The following NCKAP5 variants were observed in gnomAD, a reference collection of about 807,000 sequenced individuals.
NCKAP5 encodes the protein nck-associated protein 5.
Under a neutral mutation model 167.0 loss-of-function variants are expected in NCKAP5, and 92 were observed. The ratio of observed to expected loss-of-function variants is 0.55; its 90% CI spans 0.47 to 0.66. The LOEUF (loss-of-function observed/expected upper bound fraction) is 0.66, where lower values mean the gene tolerates loss of function less well. NCKAP5 is among the 30% of genes least tolerant of loss of function. The pLI, the probability that NCKAP5 is intolerant of heterozygous loss-of-function variation, is 0.00. For synonymous variants in NCKAP5, 891 were observed against 877.4 expected (o/e 1.02, Z -0.27); for missense variants, 2,378 against 2,315.0 (o/e 1.03, Z -0.56).
intron 6 of NCKAP5, among the ~76,000 whole-genome samples, chr2:133,069,729 C>T (rs1181008635): frequency 1.3e-5 from 2 of 151,882 alleles, no homozygotes; most frequent in Non-Finnish European, 2.9e-5. Flanking sequence ...TGTTTGAACA[C>T]GACTGCATTA....
At chr2:132,876,602 A>G (rs1244782630) in intron 9 of NCKAP5, among the ~76,000 whole-genome samples, 2 of 152,174 alleles carry the variant, frequency 1.3e-5, no homozygotes, top group Non-Finnish European at 1.5e-5. Context: ...TGGATTATCT[A>G]CCCTCATGTA....
At chr2:133,019,190 C>A (rs1335529567) in intron 6 of NCKAP5, among the ~76,000 whole-genome samples, 1 of 152,214 alleles carries the variant, frequency 6.6e-6, no homozygotes, top group Non-Finnish European at 1.5e-5. Flanking sequence ...GTGGCAATTA[C>A]AGAAAACTAC....
In NCKAP5 at chr2:132,762,233, T is replaced by G. The variant is rs371601600; in HGVS notation, c.5128+11583A>C. ...GGCCAGTGCCCAGCATATAGAGAGC[T>G]CTTAATAAGGAGTAGATAGTAATGT... On this transcript the variant is annotated intron_variant, in intron 16 of 19. Coordinates refer to ENST00000409261, the MANE Select transcript of NCKAP5 (RefSeq NM_207363.3). 1.9e-4 allele frequency among the ~76,000 whole-genome samples: 29 copies of G among 149,752 alleles called. No individual in the cohort carries two copies. In the East Asian group the frequency reaches 3.1e-3, roughly 16 times the overall value.
intron 16 of NCKAP5, among the ~76,000 whole-genome samples, chr2:132,748,767 C>G (rs1679861410): frequency 6.6e-6 from 1 of 151,794 alleles, no homozygotes; most frequent in Non-Finnish European, 1.5e-5. Flanking sequence ...TCTAGTGAAC[C>G]ATTTAAAACC....
Position 132,785,356 on chromosome 2 carries a change from T to C in NCKAP5, c.1455A>G (p.Leu485=), listed in dbSNP as rs897548228. Residue 485 remains leucine (L), a synonymous_variant, in exon 14 of 20, where the codon TTA becomes TTG. Coordinates refer to ENST00000409261, the MANE Select transcript of NCKAP5 (RefSeq NM_207363.3). ...GGTTTGGAACTGCTTGGAGCAATGCTAAGGTGGAAGGGTCATCGTCCGCAT... is the reference window on the plus strand; with the variant it reads ...GGTTTGGAACTGCTTGGAGCAATGCCAAGGTGGAAGGGTCATCGTCCGCAT... The part of the protein sequence containing the change: ...HVDADDDPST[L]ALLQAVPNQS... 1 of 1,613,964 alleles carries C rather than the reference T, an allele frequency of 6.2e-7. No individual in the cohort carries two copies. The highest frequency in any genetic ancestry group is 1.1e-5 in the South Asian group (1 of 91,074).
chr2:133,578,519 T>C, the NCKAP5 span, among the ~76,000 whole-genome samples: 1 of 152,160 alleles, frequency 6.6e-6, no homozygotes, highest in Non-Finnish European at 1.5e-5. Flanking sequence ...CCAAGTGGCC[T>C]ACAACCAGTT....
chr2:132,872,505 G>C (rs1478210981), intron 9 of NCKAP5, among the ~76,000 whole-genome samples: 1 of 152,168 alleles, frequency 6.6e-6, no homozygotes, highest in Non-Finnish European at 1.5e-5. Flanking sequence ...CCTTGAAGCT[G>C]AATAAGAAGC....
At chr2:132,704,071 C>T (rs757203703) in intron 19 of NCKAP5, among the ~76,000 whole-genome samples, 1 of 152,150 alleles carries the variant, frequency 6.6e-6, no homozygotes, top group Non-Finnish European at 1.5e-5. Flanking sequence ...AACTCAAGGC[C>T]AATTAGCAGA....
chr2:133,271,536 T>C (rs1218131584), intron 4 of NCKAP5, among the ~76,000 whole-genome samples: 2 of 152,072 alleles, frequency 1.3e-5, no homozygotes, highest in African/African-American at 2.4e-5. Flanking sequence ...ATAAAGATGA[T>C]AGAGGAACAG....
At chr2:132,751,471 G>A (rs955759808) in intron 16 of NCKAP5, among the ~76,000 whole-genome samples, 1 of 152,034 alleles carries the variant, frequency 6.6e-6, no homozygotes, top group African/African-American at 2.4e-5. Flanking sequence ...CATCACAAAT[G>A]GACTGAGATA....
chr2:132,858,930 C>T (rs74454784), intron 11 of NCKAP5, among the ~76,000 whole-genome samples: 156 of 152,178 alleles, frequency 1.0e-3, no homozygotes, highest in African/African-American at 3.7e-3. Flanking sequence ...TTCAGAAAGG[C>T]CTCAAGTTAC....
At chr2:133,609,426 G>A in the NCKAP5 span, among the ~76,000 whole-genome samples, 2 of 152,304 alleles carry the variant, frequency 1.3e-5, no homozygotes. Context: ...ACTTCTGAGT[G>A]GAAGAAGAAC....
At position 133,558,482 on chromosome 2, in the gene NCKAP5, A is replaced by G. The variant is rs555306430; in HGVS notation, c.-62+568T>C. ...GATGTGAAAGAGGAAGGGAGCAGCC[A>G]GGGAAGATGGTCCAGGACTACAGAA... On this transcript the variant is annotated intron_variant, in intron 2 of 19. Coordinates refer to ENST00000409261, the MANE Select transcript of NCKAP5 (RefSeq NM_207363.3). Among the ~76,000 whole-genome samples, 4 of 152,146 alleles carry G rather than the reference A, an allele frequency of 2.6e-5. No homozygotes were observed. The East Asian group carries it at 5.8e-4, about 22-fold the overall frequency.
chr2:133,071,769 A>T (rs1162860479), intron 6 of NCKAP5, among the ~76,000 whole-genome samples: 1 of 152,224 alleles, frequency 6.6e-6, no homozygotes, highest in African/African-American at 2.4e-5. Context: ...TCAGGGTACC[A>T]TATGCTTTGA....
the NCKAP5 span, among the ~76,000 whole-genome samples, chr2:133,582,631 T>G: frequency 6.6e-6 from 1 of 152,196 alleles, no homozygotes; most frequent in African/African-American, 2.4e-5. Context: ...TGAATTCTAA[T>G]CAAAGTGTTT....
rs189406593 is a variant in NCKAP5 at position 133,507,992 on chromosome 2, C to T, written c.69+9466G>A. 1.4e-3 allele frequency among the ~76,000 whole-genome samples: 218 copies of T among 152,098 alleles called. 2 individuals are homozygous for T. Among genetic ancestry groups the T allele is most frequent in the African/African-American group, 4.7e-3 (196 of 41,480 alleles). On this transcript the variant is annotated intron_variant, in intron 3 of 19. Coordinates refer to ENST00000409261, the MANE Select transcript of NCKAP5 (RefSeq NM_207363.3). ...TATATACAGTTTGTACAGCATACAC[C>T]GATCAATGAATGAGAAGAAAAGATA...
chr2:132,819,968 T>A lies in NCKAP5; in HGVS notation c.808-23239A>T, dbSNP rs571563796. Among the ~76,000 whole-genome samples, 10 of 152,314 alleles carry A rather than the reference T, an allele frequency of 6.6e-5. No homozygotes were observed. In the East Asian group the frequency reaches 1.7e-3, roughly 26 times the overall value. On this transcript the variant is annotated intron_variant, in intron 11 of 19. Transcript: ENST00000409261. The stretch of plus-strand genomic sequence containing the variant: ...TAAAATTCTCAGTGTAGGGAGGTAT[T>A]CTCATAGGTAGTTTCAAGGCTTTTA...
the NCKAP5 span, among the ~76,000 whole-genome samples, chr2:133,649,968 C>A: frequency 3.3e-5 from 5 of 150,840 alleles, no homozygotes; most frequent in Admixed American, 3.3e-4. Flanking sequence ...AAGACTCCAC[C>A]AAAAAAAATA....
chr2:133,149,496 G>A (rs1037870247), intron 5 of NCKAP5, among the ~76,000 whole-genome samples: 7 of 129,340 alleles, frequency 5.4e-5, no homozygotes, highest in African/African-American at 2.0e-4. Flanking sequence ...CCTCTCATTT[G>A]CTCGTCAAAT....
Sources: allele counts gnomAD v4.1 joint callset (sites outside exome capture counted in the v4.1 genomes callset), GRCh38; gene constraint gnomAD v4.1.1; transcripts MANE v1.5; gene names NCBI Gene and HGNC (gene_info 2026-07-23, HGNC 2026-07-21).